AKAP13: variants seen among roughly 807,000 people sequenced by gnomAD.
AKAP13 encodes the protein A-kinase anchor protein 13.
A neutral mutation model predicts 264.5 loss-of-function variants in AKAP13; 80 were observed. The ratio of observed to expected loss-of-function variants is 0.30; its 90% confidence interval spans 0.25 to 0.36. The LOEUF (loss-of-function observed/expected upper bound fraction) is 0.36. AKAP13 is among the 10% of genes least tolerant of loss of function. AKAP13 has a pLI of 1.00. For missense variants in AKAP13, 3,712 were observed against 3,435.2 expected (o/e 1.08, Z -2.01); for synonymous variants, 1,380 against 1,250.2 (o/e 1.10, Z -2.19).
At chr15:85,480,643 T>C (rs966253129) in intron 1 of AKAP13, among the ~76,000 whole-genome samples, 5 of 152,094 alleles carry the variant, frequency 3.3e-5, no homozygotes, top group Non-Finnish European at 7.4e-5. Context: ...GCTGAAAATA[T>C]CTGTGAGATG....
At chr15:85,744,502 A>G in intron 36 of AKAP13, 126 bp from the exon 37 acceptor site, 1 of 986,058 alleles carries the variant, frequency 1.0e-6, no homozygotes. Context: ...CGGTGCGCAG[A>G]AGAGTTAATT....
chr15:85,503,450 G>T (rs116108757), intron 2 of AKAP13, among the ~76,000 whole-genome samples: 2,320 of 152,258 alleles, frequency 0.015, 69 homozygotes, highest in African/African-American at 0.053. Context: ...TCTTAATCTT[G>T]TAGTTGACAG....
rs749820665 is a variant in AKAP13 at position 85,575,172 on chromosome 15, A to G, written c.704A>G (p.Tyr235Cys). The G allele has an allele frequency of 2.8e-5, 45 of 1,614,052 alleles. No homozygotes were observed. In the East Asian group the frequency reaches 3.1e-4, roughly 11 times the overall value. ...GEPDSWSSLS[Y>C]EIPYGDCSVR... is the part of the protein sequence containing the mutation. ...CCAGACTCCTGGAGCAGTTTATCCT[A>G]TGAAATACCGTATGGAGACTGTTCT... The change falls in exon 6 of 37, where the codon TAT (tyrosine) becomes TGT (cysteine). Residue 235 changes from tyrosine (Y) to cysteine (C), a missense_variant. By Grantham distance (194) the Tyr-to-Cys change is radical. Coordinates refer to ENST00000394518, the MANE Select transcript of AKAP13 (RefSeq NM_007200.5).
chr15:85,746,665 TA>T lies in AKAP13; in HGVS notation c.*1990del, dbSNP rs538722106. The T allele has an allele frequency of 3.0e-4, 46 of 152,302 alleles. No individual in the cohort carries two copies. Among genetic ancestry groups the T allele is most frequent in the African/African-American group, 1.0e-3 (43 of 41,552 alleles). The allele number at this position is 152,302 out of a possible 1,614,324, so 9.4% of individuals were successfully genotyped here. On this transcript the variant is annotated 3_prime_UTR_variant, in exon 37 of 37. Transcript: ENST00000394518. ...CTTGCAAAGACCCTAAACAAAAAGT[TA>T]AGTTTCTTTCTTTCACCTATTTGTA...
intron 8 of AKAP13, among the ~76,000 whole-genome samples, chr15:85,590,705 A>G (rs2079546844): frequency 6.6e-6 from 1 of 152,196 alleles, no homozygotes; most frequent in Non-Finnish European, 1.5e-5. Flanking sequence ...CCCATTAATC[A>G]TTTTATCATT....
At chr15:85,433,933 T>G (rs1323331784) in intron 1 of AKAP13, among the ~76,000 whole-genome samples, 1 of 133,294 alleles carries the variant, frequency 7.5e-6, no homozygotes, top group Admixed American at 7.7e-5. Context: ...AGAGCGAGAC[T>G]CTGTCTCAAA....
At chr15:85,649,576 CA>C (rs2082711396) in intron 10 of AKAP13, among the ~76,000 whole-genome samples, 1 of 152,160 alleles carries the variant, frequency 6.6e-6, no homozygotes, top group South Asian at 2.1e-4. Context: ...TTCCTGCAGC[CA>C]TTTGTGTCTC....
intron 2 of AKAP13, 111 bp from the exon 3 acceptor site, chr15:85,521,317 G>C: frequency 1.6e-6 from 2 of 1,286,126 alleles, no homozygotes; most frequent in Non-Finnish European, 2.2e-6. Context: ...CAGAATGGGG[G>C]CATGGTTTAG....
intron 8 of AKAP13, among the ~76,000 whole-genome samples, chr15:85,615,835 A>G (rs555581636): frequency 1.3e-5 from 2 of 152,332 alleles, no homozygotes; most frequent in South Asian, 4.1e-4. Context: ...AGTATATAAT[A>G]TTAGAGCAAG....
chr15:85,710,266 G>T (rs1458787294), intron 18 of AKAP13, among the ~76,000 whole-genome samples: 1 of 152,182 alleles, frequency 6.6e-6, no homozygotes, highest in Non-Finnish European at 1.5e-5. Flanking sequence ...ACTGCCTTGG[G>T]TGAGGAGAGG....
At chr15:85,459,675 A>G (rs1319389637) in intron 1 of AKAP13, among the ~76,000 whole-genome samples, 2 of 151,594 alleles carry the variant, frequency 1.3e-5, no homozygotes, top group African/African-American at 4.9e-5. Context: ...AATTTTTTGT[A>G]TTTTTAGTAG....
At chr15:85,707,012 C>G (rs937157808) in intron 17 of AKAP13, among the ~76,000 whole-genome samples, 1 of 152,162 alleles carries the variant, frequency 6.6e-6, no homozygotes, top group Non-Finnish European at 1.5e-5. Flanking sequence ...GAGATGTTGG[C>G]CCTTAACTGG....
chr15:85,541,046 C>A (rs2077566698), intron 4 of AKAP13, among the ~76,000 whole-genome samples: 2 of 152,184 alleles, frequency 1.3e-5, no homozygotes, highest in African/African-American at 4.8e-5. Flanking sequence ...AGAGGATTAA[C>A]TGGAAAGTGG....
intron 14 of AKAP13, among the ~76,000 whole-genome samples, chr15:85,671,891 A>G (rs1567186552): frequency 1.3e-5 from 2 of 152,214 alleles, no homozygotes; most frequent in Non-Finnish European, 2.9e-5. Flanking sequence ...AATGTGTCCC[A>G]TAGAGAGACC....
At position 85,743,511 on chromosome 15, in the gene AKAP13, A is replaced by C; in HGVS notation, c.8078A>C (p.Lys2693Thr). 6.2e-7 allele frequency: 1 copy of C among 1,613,998 alleles called. No homozygotes were observed. Among genetic ancestry groups the C allele is most frequent in the South Asian group, 1.1e-5 (1 of 91,080 alleles). ...GTACAGGTTTCCCATCCACATACCA[A>C]GCTGATGAGGATCCCATCGTTCTTC... ...DLCQVSHPHTKLMRIPSFFPS... is the reference protein window; with the variant it reads ...DLCQVSHPHTTLMRIPSFFPS... The change falls in exon 36 of 37, where the codon AAG becomes ACG. Residue 2693 changes from lysine (K) to threonine (T), a missense_variant. By Grantham distance (78) the Lys-to-Thr change is moderately conservative. This residue lies in a region of AKAP13 where 611 missense variants were observed against 539.3 expected (regional missense o/e 1.13). Transcript: ENST00000394518.
chr15:85,655,749 G>A lies in AKAP13; in HGVS notation c.4707G>A (p.Gly1569=), dbSNP rs2083061644. The part of the protein sequence containing the change: ...SPFRRHSWGP[G]KNAASDAEMN... The stretch of plus-strand genomic sequence containing the variant: ...TCCGGAGGCACAGCTGGGGGCCTGG[G>A]AAAAATGCAGCCAGCGATGCAGAAA... Residue 1569 remains glycine, a synonymous_variant, in exon 11 of 37, where the codon GGG becomes GGA. Transcript: ENST00000394518. The A allele has an allele frequency of 6.2e-7, 1 of 1,611,732 alleles. No homozygotes were observed. Among genetic ancestry groups the A allele is most frequent in the South Asian group, 1.1e-5 (1 of 91,018 alleles).
At chr15:85,401,528 G>T (rs572495439) in intron 1 of AKAP13, among the ~76,000 whole-genome samples, 2 of 152,162 alleles carry the variant, frequency 1.3e-5, no homozygotes, top group South Asian at 4.2e-4. Flanking sequence ...GTGCCATTCT[G>T]CTTTTTTACT....
intron 1 of AKAP13, among the ~76,000 whole-genome samples, chr15:85,460,987 T>C (rs2150999702): frequency 6.6e-6 from 1 of 152,100 alleles, no homozygotes; most frequent in Admixed American, 6.5e-5. Context: ...AAGTTTGTGG[T>C]AGTTTATGAC....
At chr15:85,616,358 A>G (rs1456736705) in intron 8 of AKAP13, among the ~76,000 whole-genome samples, 2 of 152,238 alleles carry the variant, frequency 1.3e-5, no homozygotes, top group Non-Finnish European at 1.5e-5. Flanking sequence ...AATTTAATTC[A>G]TGAACACAAA....
Sources: gnomAD v4.1 joint callset for allele counts (sites outside exome capture counted in the v4.1 genomes callset) on GRCh38, gnomAD v4.1.1 for gene constraint, gnomAD v4.1.1 regional missense constraint, MANE v1.5 for transcripts, NCBI Gene and HGNC (gene_info 2026-07-23, HGNC 2026-07-21) for gene names.